Variants in APBA1 observed in about 807,000 individuals in gnomAD.
The protein encoded by APBA1 is amyloid-beta A4 precursor protein-binding family A member 1.
In APBA1, 55 loss-of-function variants were observed where a neutral mutation model predicts 86.6. The ratio of observed to expected loss-of-function variants is 0.64; its 90% CI spans 0.51 to 0.80. The LOEUF is 0.80. Ranked by LOEUF, APBA1 falls within the 30% of genes least tolerant of loss-of-function variation. APBA1 has a pLI of 0.00. For synonymous variants in APBA1, 511 were observed against 493.9 expected, an observed-to-expected ratio of 1.03 and a Z score of -0.46; for missense variants, 1,090 against 1,183.0, an observed-to-expected ratio of 0.92 and a Z score of 1.15.
At chr9:69,653,014 C>CAAAAA (rs35226509) in intron 1 of APBA1, among the ~76,000 whole-genome samples, 1 of 145,720 alleles carries the variant, frequency 6.9e-6, no homozygotes. Context: ...CAAAAACAAG[C>CAAAAA]AAAAAAAAAA....
intron 1 of APBA1, among the ~76,000 whole-genome samples, chr9:69,562,190 G>C (rs1006813457): frequency 6.6e-6 from 1 of 152,108 alleles, no homozygotes; most frequent in African/African-American, 2.4e-5. Flanking sequence ...GCATTACACA[G>C]TATCCCACAA....
chr9:69,603,954 A>G (rs1822406942), intron 1 of APBA1, among the ~76,000 whole-genome samples: 2 of 152,372 alleles, frequency 1.3e-5, no homozygotes, highest in Admixed American at 6.5e-5. Flanking sequence ...GCAATATTAC[A>G]CAGTAGAAAA....
intron 3 of APBA1, among the ~76,000 whole-genome samples, chr9:69,473,909 A>G (rs1468840850): frequency 6.6e-6 from 1 of 152,198 alleles, no homozygotes; most frequent in Admixed American, 6.5e-5. Context: ...TAGGATTTTC[A>G]TCATCATTTC....
intron 1 of APBA1, among the ~76,000 whole-genome samples, chr9:69,518,242 TACAG>T (rs1455144911): frequency 6.6e-6 from 1 of 152,222 alleles, no homozygotes; most frequent in Non-Finnish European, 1.5e-5. Context: ...AGAGATGATT[TACAG>T]TATATGGGAG....
chr9:69,577,792 T>G (rs1821832985), intron 1 of APBA1, among the ~76,000 whole-genome samples: 2 of 152,154 alleles, frequency 1.3e-5, no homozygotes, highest in Non-Finnish European at 2.9e-5. Context: ...GAGAAAACCT[T>G]TTTTTAAGAG....
At chr9:69,638,230 G>C (rs951470191) in intron 1 of APBA1, among the ~76,000 whole-genome samples, 2 of 150,968 alleles carry the variant, frequency 1.3e-5, no homozygotes, top group Non-Finnish European at 3.0e-5. Context: ...TGCATATTTT[G>C]TTTTTGTTTT....
intron 2 of APBA1, among the ~76,000 whole-genome samples, chr9:69,511,476 T>G (rs59998148): frequency 2.1e-3 from 325 of 152,076 alleles, no homozygotes; most frequent in Middle Eastern, 0.01. Flanking sequence ...CTGTTGGTGG[T>G]ACTGTAAACT....
Position 69,516,964 on chromosome 9 carries a change from T to C in APBA1, c.247A>G (p.Ser83Gly). The change falls in exon 2 of 13, where the codon AGC becomes GGC. Residue 83 changes from serine to glycine, a missense_variant. By Grantham distance (56) the Ser-to-Gly change is moderately conservative. This residue lies in a region of APBA1 where 678 missense variants were observed against 647.1 expected (regional missense o/e 1.05). Transcript: ENST00000265381. This position sits in a 1 kb window ranked among gnomAD's most constrained non-coding sequence, Gnocchi z 7.3. ...ECLARSASTE[S>G]GFHNHTDTAE... ...GTGTCCGTGTGGTTGTGGAAGCCGC[T>C]CTCCGTGCTGGCTGAGCGCGCCAGG... 6.3e-7 allele frequency: 1 copy of C among 1,592,564 alleles called. No homozygotes were observed. The highest frequency in any genetic ancestry group is 8.5e-7 in the Non-Finnish European group (1 of 1,176,392).
chr9:69,537,541 C>T (rs1836532854), intron 1 of APBA1, among the ~76,000 whole-genome samples: 1 of 152,046 alleles, frequency 6.6e-6, no homozygotes, highest in South Asian at 2.1e-4. Flanking sequence ...CTCTCACAAT[C>T]CTCTTCTGGA....
intron 10 of APBA1, among the ~76,000 whole-genome samples, chr9:69,447,997 C>T (rs1834939917): frequency 6.6e-6 from 1 of 152,104 alleles, no homozygotes; most frequent in Admixed American, 6.5e-5. Flanking sequence ...ACTTGTGGTC[C>T]TGCCTCCCTA....
rs1001593202 is a variant in APBA1, at chr9:69,530,357, C to T, written c.-69-13078G>A. 5.4e-5 allele frequency among the ~76,000 whole-genome samples: 8 copies of T among 148,136 alleles called. No individual in the cohort carries two copies. In the East Asian group the frequency reaches 1.0e-3, roughly 19 times the overall value. ...ACACACACACACACACACACACACA[C>T]ATGCAACACTATGGAATACTATGCA... On this transcript the variant is annotated intron_variant, in intron 1 of 12. Transcript: ENST00000265381.
chr9:69,465,979 C>T (rs1181359746), intron 5 of APBA1, among the ~76,000 whole-genome samples: 1 of 152,118 alleles, frequency 6.6e-6, no homozygotes. Context: ...CTAGGTCTGG[C>T]CTAGCAGGGT....
At chr9:69,459,485 T>C (rs111841392) in intron 5 of APBA1, among the ~76,000 whole-genome samples, 2 of 152,254 alleles carry the variant, frequency 1.3e-5, no homozygotes, top group African/African-American at 2.4e-5. Context: ...ACAGGTAGGA[T>C]GGTATACCTG....
chr9:69,656,433 C>G (rs1175170660), intron 1 of APBA1, among the ~76,000 whole-genome samples: 1 of 152,174 alleles, frequency 6.6e-6, no homozygotes, highest in Non-Finnish European at 1.5e-5. Flanking sequence ...ATGAATTAAT[C>G]TCTACAATAT....
chr9:69,653,509 A>T (rs1823549736), intron 1 of APBA1, among the ~76,000 whole-genome samples: 1 of 152,286 alleles, frequency 6.6e-6, no homozygotes, highest in African/African-American at 2.4e-5. Flanking sequence ...CAGAATACAC[A>T]TTTTCCTCAA....
intron 1 of APBA1, among the ~76,000 whole-genome samples, chr9:69,650,167 G>A (rs929192431): frequency 6.6e-6 from 1 of 152,156 alleles, no homozygotes; most frequent in African/African-American, 2.4e-5. Context: ...TACTGGCTGT[G>A]CTATCTTGGG....
rs1835097079 is a variant in APBA1 at position 69,456,365 on chromosome 9, A to G, written c.1670T>C (p.Leu557Pro). 6.2e-7 allele frequency: 1 copy of G among 1,613,914 alleles called. No individual in the cohort carries two copies. The highest frequency in any genetic ancestry group is 1.3e-5 in the African/African-American group (1 of 74,930). The change falls in exon 8 of 13, where the codon CTG (leucine) becomes CCG (proline). Residue 557 changes from leucine (L) to proline (P), a missense_variant. Leu to Pro is a moderately conservative substitution (Grantham distance 98, BLOSUM62 -3). Coordinates refer to ENST00000265381, the MANE Select transcript of APBA1 (RefSeq NM_001163.4). ...GCGAGGCATCCGCCGGCGGGCCATC[A>G]GCACAACGATGTTCCCAATGTCCGC... ...YIADIGNIVV[L>P]MARRRMPRSN...
chr9:69,495,847 G>C (rs537864041), intron 2 of APBA1, among the ~76,000 whole-genome samples: 1 of 152,042 alleles, frequency 6.6e-6, no homozygotes, highest in Non-Finnish European at 1.5e-5. Flanking sequence ...TGGGCATGTG[G>C]TGCGAGCCTG....
intron 10 of APBA1, among the ~76,000 whole-genome samples, chr9:69,449,130 T>C (rs1270553720): frequency 6.6e-6 from 1 of 152,150 alleles, no homozygotes; most frequent in Non-Finnish European, 1.5e-5. Context: ...ACCTGCATCA[T>C]AGTCAGGGCC....
Sources: allele counts gnomAD v4.1 joint callset (sites outside exome capture counted in the v4.1 genomes callset), GRCh38; gene constraint gnomAD v4.1.1; regional missense constraint gnomAD v4.1.1; non-coding constraint Gnocchi (gnomAD v3.1); transcripts MANE v1.5; gene names NCBI Gene and HGNC (gene_info 2026-07-23, HGNC 2026-07-21).